JAZF1: variants seen among roughly 807,000 people sequenced by gnomAD.
The protein encoded by JAZF1 is JAZF zinc finger 1.
Under a neutral mutation model 26.4 loss-of-function variants are expected in JAZF1, and 8 were observed. The observed-to-expected ratio is 0.30, with a 90% CI of 0.18 to 0.55. The LOEUF (loss-of-function observed/expected upper bound fraction) is 0.55. Among genes scored for constraint, JAZF1 ranks in the 20% least tolerant of loss-of-function variants. JAZF1 has a pLI of 0.94. For synonymous variants in JAZF1, 126 were observed against 122.3 expected (o/e 1.03, Z -0.20); for missense variants, 199 against 322.0 (o/e 0.62, Z 2.92).
intron 2 of JAZF1, among the ~76,000 whole-genome samples, chr7:27,957,568 G>A (rs1360614452): frequency 6.6e-6 from 1 of 152,126 alleles, no homozygotes; most frequent in Non-Finnish European, 1.5e-5. Context: ...TGGTTACCCT[G>A]GACTACTGTA....
chr7:27,936,687 G>A (rs1482977154), intron 2 of JAZF1, among the ~76,000 whole-genome samples: 1 of 152,140 alleles, frequency 6.6e-6, no homozygotes, highest in African/African-American at 2.4e-5. Context: ...ACATGAGATG[G>A]TGGTAGTAAA....
chr7:28,019,431 C>T (rs182531713), intron 1 of JAZF1, among the ~76,000 whole-genome samples: 5 of 152,234 alleles, frequency 3.3e-5, no homozygotes, highest in African/African-American at 7.2e-5. Flanking sequence ...GGGGTAAACG[C>T]GACCTTAGCA....
intron 1 of JAZF1, among the ~76,000 whole-genome samples, chr7:28,011,652 G>T (rs996635990): frequency 3.3e-5 from 5 of 152,022 alleles, no homozygotes; most frequent in African/African-American, 1.2e-4. Context: ...AGAGCGCAGG[G>T]AAATATCTGC....
In JAZF1 at chr7:28,082,847, A is replaced by T. The variant is rs1010517863; in HGVS notation, c.116-90866T>A. On this transcript the variant is annotated intron_variant, in intron 1 of 4. Coordinates refer to ENST00000283928, the MANE Select transcript of JAZF1 (RefSeq NM_175061.4). ...CACCATTACTATTCCCTGCTCCACAAGGTAGCCAGGGCCAGCTTCTCAAAT... is the reference window on the plus strand; with the variant it reads ...CACCATTACTATTCCCTGCTCCACATGGTAGCCAGGGCCAGCTTCTCAAAT... Among the ~76,000 whole-genome samples the T allele has an allele frequency of 4.6e-5, 7 of 152,078 alleles. No individual in the cohort carries two copies. In the East Asian group the frequency reaches 1.4e-3, roughly 29 times the overall value.
chr7:28,086,453 C>A (rs1446470773), intron 1 of JAZF1, among the ~76,000 whole-genome samples: 4 of 152,118 alleles, frequency 2.6e-5, no homozygotes, highest in Non-Finnish European at 5.9e-5. Context: ...TTCTTTGCTC[C>A]TTAGGAGCTG....
At chr7:28,020,977 C>T (rs917848065) in intron 1 of JAZF1, among the ~76,000 whole-genome samples, 1 of 152,192 alleles carries the variant, frequency 6.6e-6, no homozygotes, top group African/African-American at 2.4e-5. Context: ...CACAACCATA[C>T]CCCGGAGCTA....
intron 3 of JAZF1, among the ~76,000 whole-genome samples, chr7:27,845,958 T>TA (rs1197640205): frequency 6.6e-6 from 1 of 152,036 alleles, no homozygotes; most frequent in Non-Finnish European, 1.5e-5. Context: ...GACAAGGTGC[T>TA]AAAAAACAAA....
chr7:28,175,147 T>C (rs1305265355), intron 1 of JAZF1, among the ~76,000 whole-genome samples: 1 of 152,320 alleles, frequency 6.6e-6, no homozygotes, highest in South Asian at 2.1e-4. Context: ...TTGACACCAC[T>C]TTCCCAGTCC....
chr7:27,913,852 C>A (rs1301218578), intron 2 of JAZF1, among the ~76,000 whole-genome samples: 1 of 152,188 alleles, frequency 6.6e-6, no homozygotes, highest in Non-Finnish European at 1.5e-5. Flanking sequence ...TGCAGGCAAG[C>A]CCTGTATCCA....
At chr7:27,851,424 G>A (rs1470439984) in intron 3 of JAZF1, among the ~76,000 whole-genome samples, 2 of 152,176 alleles carry the variant, frequency 1.3e-5, no homozygotes, top group Admixed American at 6.5e-5. Context: ...TGAGGTGGGA[G>A]GATCATTTGA....
chr7:28,045,036 C>T (rs1014095648), intron 1 of JAZF1, among the ~76,000 whole-genome samples: 6 of 151,970 alleles, frequency 3.9e-5, no homozygotes, highest in Non-Finnish European at 7.4e-5. Context: ...GAGGTGAGAC[C>T]AGTGCCTAGC....
rs138305237 is a variant in JAZF1, at chr7:27,945,639, C to T, written c.188+46270G>A. On this transcript the variant is annotated intron_variant, in intron 2 of 4. Transcript: ENST00000283928. The stretch of plus-strand genomic sequence containing the variant: ...TGCCCTTGCTGGGAGTTCTCAGAAC[C>T]AGCTGCATCGGCATTGCCTGGGCAC... 5.7e-3 allele frequency among the ~76,000 whole-genome samples: 875 copies of T among 152,334 alleles called. 10 individuals are homozygous for T. The highest frequency in any genetic ancestry group is 0.02 in the African/African-American group (837 of 41,564).
At chr7:28,042,854 T>C (rs573737546) in intron 1 of JAZF1, among the ~76,000 whole-genome samples, 31 of 152,290 alleles carry the variant, frequency 2.0e-4, no homozygotes, top group Admixed American at 3.9e-4. Context: ...CTCTACCATA[T>C]AGGTTTTTGT....
In JAZF1 at chr7:28,002,951, A is replaced by T. The variant is rs73683932; in HGVS notation, c.116-10970T>A. 8.8e-3 allele frequency among the ~76,000 whole-genome samples: 1,344 copies of T among 152,254 alleles called. 19 individuals carry two copies. Among genetic ancestry groups the T allele is most frequent in the African/African-American group, 0.029 (1,190 of 41,542 alleles). On this transcript the variant is annotated intron_variant, in intron 1 of 4. Coordinates refer to ENST00000283928, the MANE Select transcript of JAZF1 (RefSeq NM_175061.4). ...AGATAATCTTGTGAATGGAAGTCATACATGGTGAAGCAACACAGTAGGAGT... is the reference window on the plus strand; with the variant it reads ...AGATAATCTTGTGAATGGAAGTCATTCATGGTGAAGCAACACAGTAGGAGT...
At chr7:28,128,593 AGCAACCTGT>A (rs768974197) in intron 1 of JAZF1, among the ~76,000 whole-genome samples, 2 of 152,202 alleles carry the variant, frequency 1.3e-5, no homozygotes, top group Non-Finnish European at 2.9e-5. Flanking sequence ...CAGTGGCCCC[AGCAACCTGT>A]GCATTAATAA....
intron 3 of JAZF1, among the ~76,000 whole-genome samples, chr7:27,862,693 G>C (rs956591654): frequency 6.6e-6 from 1 of 152,178 alleles, no homozygotes; most frequent in Non-Finnish European, 1.5e-5. Context: ...CTAAGTCAGT[G>C]ACCTCTTTTC....
At chr7:28,007,892 C>CT (rs1418969315) in intron 1 of JAZF1, among the ~76,000 whole-genome samples, 2 of 151,684 alleles carry the variant, frequency 1.3e-5, no homozygotes, top group Admixed American at 6.7e-5. Flanking sequence ...CACTAGAGTT[C>CT]TTTTTTTTCC....
intron 1 of JAZF1, among the ~76,000 whole-genome samples, chr7:28,076,595 T>C (rs1370418450): frequency 2.0e-5 from 3 of 152,052 alleles, no homozygotes; most frequent in Admixed American, 6.6e-5. Flanking sequence ...GTTATCTATC[T>C]GCACCAACAT....
chr7:27,907,115 GA>G (rs1002527198), intron 2 of JAZF1, among the ~76,000 whole-genome samples: 1 of 152,188 alleles, frequency 6.6e-6, no homozygotes, highest in Admixed American at 6.5e-5. Context: ...CCTGGTGGGT[GA>G]AAAAATCTAG....
Sources: allele counts gnomAD v4.1 joint callset (sites outside exome capture counted in the v4.1 genomes callset), GRCh38; gene constraint gnomAD v4.1.1; transcripts MANE v1.5; gene names NCBI Gene and HGNC (gene_info 2026-07-23, HGNC 2026-07-21).